The following KTN1 variants were observed in gnomAD, a reference collection of about 807,000 sequenced individuals.
KTN1 encodes kinectin.
KTN1 carries 130 observed loss-of-function variants against 222.5 expected under a neutral mutation model. The ratio of observed to expected loss-of-function variants is 0.58; its 90% CI spans 0.51 to 0.68. The LOEUF (loss-of-function observed/expected upper bound fraction) is 0.68, where lower values mean the gene tolerates loss of function less well. KTN1 is among the 30% of genes least tolerant of loss of function. KTN1 has a pLI of 0.00. For synonymous variants in KTN1, 512 were observed against 496.3 expected (o/e 1.03, Z -0.42); for missense variants, 1,508 against 1,500.4 (o/e 1.01, Z -0.08).
chr14:55,653,618 A>G (rs765167661), intron 28 of KTN1, 22 bp downstream of exon 28: 34 of 1,580,082 alleles, frequency 2.2e-5, no homozygotes, highest in Middle Eastern at 1.7e-4. Flanking sequence ...TTAAGACCAC[A>G]TTTTGAAGAG....
intron 5 of KTN1, among the ~76,000 whole-genome samples, chr14:55,626,722 A>G (rs1204054843): frequency 6.6e-6 from 1 of 152,008 alleles, no homozygotes; most frequent in Non-Finnish European, 1.5e-5. Context: ...GGGACTGTGT[A>G]TGTAAAATGA....
rs748795644 is a variant in KTN1, at chr14:55,634,547, A to G, written c.1350A>G (p.Lys450=). ...LESKQSAELN[K]LRQDYARLVN... is the part of the protein sequence containing the mutation. ...TCAGGCAGTCTGCAGAACTAAATAA[A>G]CTACGCCAGGATTATGCTAGGTTGG... The change falls in exon 9 of 44, where the codon AAA becomes AAG. Residue 450 remains lysine, a synonymous_variant. Transcript: ENST00000395314. 5.0e-6 allele frequency: 8 copies of G among 1,613,038 alleles called. No homozygotes were observed. The highest frequency in any genetic ancestry group is 1.7e-5 in the Admixed American group (1 of 59,792).
At chr14:55,636,277 T>C (rs182533444) in intron 9 of KTN1, among the ~76,000 whole-genome samples, 172 bp from the exon 10 acceptor site, 1 of 152,344 alleles carries the variant, frequency 6.6e-6, no homozygotes. Context: ...GATAAATAAA[T>C]GGCTTTTAGA....
intron 24 of KTN1, chr14:55,651,521 A>T (rs1355251787): frequency 8.0e-6 from 3 of 375,832 alleles, no homozygotes; most frequent in Non-Finnish European, 1.5e-5. Flanking sequence ...AATTTTCAGT[A>T]CTGTAGAAGT....
intron 33 of KTN1, 113 bp downstream of exon 33, chr14:55,664,154 A>G: frequency 1.5e-6 from 1 of 653,614 alleles, no homozygotes; most frequent in African/African-American, 1.9e-5. Context: ...AAATCTCCTT[A>G]TCCATATTTA....
chr14:55,606,821 C>G (rs1594801201), intron 1 of KTN1, among the ~76,000 whole-genome samples: 1 of 152,138 alleles, frequency 6.6e-6, no homozygotes, highest in East Asian at 1.9e-4. Context: ...AATAATCTCC[C>G]TTCAAAAAAT....
chr14:55,597,983 A>G (rs76557162), intron 1 of KTN1, among the ~76,000 whole-genome samples: 12,189 of 152,272 alleles, frequency 0.08, 536 homozygotes, highest in South Asian at 0.12. Context: ...TATCTGTGAA[A>G]ATTTGTCCTA....
chr14:55,678,617 A>T (rs930729248), intron 42 of KTN1, 173 bp downstream of exon 42: 12 of 572,462 alleles, frequency 2.1e-5, no homozygotes, highest in African/African-American at 1.7e-4. Flanking sequence ...GAGGTATGTT[A>T]ATTTTAAGGG....
chr14:55,672,840 T>C (rs2045566311), intron 38 of KTN1, 89 bp from the exon 39 acceptor site: 6 of 1,129,388 alleles, frequency 5.3e-6, no homozygotes, highest in South Asian at 4.0e-5. Context: ...TATAGTTTTA[T>C]ATTCATAAGT....
At chr14:55,637,070 G>A (rs1434771005) in intron 10 of KTN1, 128 bp from the exon 11 acceptor site, 4 of 606,860 alleles carry the variant, frequency 6.6e-6, no homozygotes, top group Non-Finnish European at 1.1e-5. Flanking sequence ...TGCTACAGGA[G>A]CATGCAAGAA....
chr14:55,653,690 C>G (rs1238596163), intron 28 of KTN1, 94 bp downstream of exon 28: 4 of 871,938 alleles, frequency 4.6e-6, no homozygotes, highest in Non-Finnish European at 7.4e-6. Flanking sequence ...TCCTGTACAT[C>G]ATTAACTTTA....
intron 5 of KTN1, among the ~76,000 whole-genome samples, chr14:55,622,962 G>T (rs1252012366): frequency 1.3e-5 from 2 of 152,002 alleles, no homozygotes; most frequent in Non-Finnish European, 2.9e-5. Context: ...GTCTTCTCTG[G>T]TTCTTCTGTC....
At chr14:55,678,828 C>T (rs560033493) in intron 42 of KTN1, 4 of 181,764 alleles carry the variant, frequency 2.2e-5, no homozygotes, top group Admixed American at 1.1e-4. Context: ...GAACTGCATG[C>T]TCCTTATGAG....
intron 11 of KTN1, 39 bp downstream of exon 11, chr14:55,637,403 G>A (rs1451145009): frequency 7.2e-7 from 1 of 1,389,128 alleles, no homozygotes; most frequent in Non-Finnish European, 9.8e-7. Context: ...AAAAATACAG[G>A]TGGTCACTTA....
At chr14:55,627,535 C>T (rs1301223178) in intron 5 of KTN1, among the ~76,000 whole-genome samples, 1 of 151,750 alleles carries the variant, frequency 6.6e-6, no homozygotes, top group Non-Finnish European at 1.5e-5. Flanking sequence ...ATACACATGC[C>T]GTGGTGGTTT....
chr14:55,591,803 C>T (rs369985434), intron 1 of KTN1, among the ~76,000 whole-genome samples: 5 of 151,958 alleles, frequency 3.3e-5, no homozygotes, highest in East Asian at 1.9e-4. Flanking sequence ...CTCGGACTCC[C>T]GACCTCAGGT....
At chr14:55,672,545 C>G in intron 37 of KTN1, 85 bp from the exon 38 acceptor site, 1 of 798,822 alleles carries the variant, frequency 1.3e-6, no homozygotes, top group Non-Finnish European at 2.1e-6. Flanking sequence ...TTGGAAGTGT[C>G]TTTTAATTGA....
chr14:55,656,756 C>T (rs1193077087), intron 29 of KTN1, among the ~76,000 whole-genome samples: 5 of 152,104 alleles, frequency 3.3e-5, no homozygotes, highest in Admixed American at 1.3e-4. Context: ...TGTGAGCCAC[C>T]GCAGCCAGCA....
At chr14:55,613,373 A>C (rs768037037) in intron 2 of KTN1, among the ~76,000 whole-genome samples, 3 of 152,102 alleles carry the variant, frequency 2.0e-5, no homozygotes, top group Non-Finnish European at 4.4e-5. Flanking sequence ...GTACAATGGA[A>C]AAGCCTTGAA....
Sources: gnomAD v4.1 joint callset for allele counts (sites outside exome capture counted in the v4.1 genomes callset) on GRCh38, gnomAD v4.1.1 for gene constraint, MANE v1.5 for transcripts, NCBI Gene and HGNC (gene_info 2026-07-23, HGNC 2026-07-21) for gene names.